Variants in FAM98B observed in about 807,000 individuals in gnomAD.
The protein encoded by FAM98B is tRNA splicing ligase complex subunit 3B.
FAM98B carries 32 observed loss-of-function variants against 43.9 expected under a neutral mutation model. The observed-to-expected ratio is 0.73, with a 90% CI of 0.55 to 0.98. FAM98B has a LOEUF of 0.98. Among genes scored for constraint, FAM98B ranks in the 50% least tolerant of loss-of-function variants. The pLI is 0.00. For synonymous variants in FAM98B, 190 were observed against 174.0 expected (o/e 1.09, Z -0.72); for missense variants, 514 against 522.9 (o/e 0.98, Z 0.17).
intron 3 of FAM98B, among the ~76,000 whole-genome samples, chr15:38,469,534 T>G (rs1482529095): frequency 1.3e-5 from 2 of 152,190 alleles, no homozygotes; most frequent in Non-Finnish European, 2.9e-5. Flanking sequence ...TTTTATACTC[T>G]TTGAGGGTAG....
At chr15:38,468,513 A>G (rs922897585) in intron 3 of FAM98B, among the ~76,000 whole-genome samples, 3 of 152,228 alleles carry the variant, frequency 2.0e-5, no homozygotes, top group Non-Finnish European at 2.9e-5. Context: ...CTGAGCCACC[A>G]TAGCTGGTCT....
chr15:38,454,348 C>T, intron 1 of FAM98B, 116 bp downstream of exon 1: 2 of 1,043,386 alleles, frequency 1.9e-6, no homozygotes, highest in Non-Finnish European at 2.9e-6. Context: ...AGGCCTCCTT[C>T]CCTGCCTCGA....
intron 1 of FAM98B, chr15:38,458,856 A>G: frequency 2.1e-6 from 1 of 472,076 alleles, no homozygotes; most frequent in Non-Finnish European, 4.2e-6. Flanking sequence ...TCATCAAACC[A>G]GGACTGCACA....
intron 1 of FAM98B, among the ~76,000 whole-genome samples, chr15:38,458,460 C>G (rs1384756126): frequency 6.6e-6 from 1 of 152,182 alleles, no homozygotes; most frequent in Non-Finnish European, 1.5e-5. Context: ...CTTTCAGCTT[C>G]TCCCCCACTG....
At chr15:38,458,861 T>C in intron 1 of FAM98B, 1 of 470,976 alleles carries the variant, frequency 2.1e-6, no homozygotes. Flanking sequence ...AAACCAGGAC[T>C]GCACAGGCAC....
At chr15:38,477,138 CAAAAA>C (rs1890213070) in intron 6 of FAM98B, among the ~76,000 whole-genome samples, 1 of 149,920 alleles carries the variant, frequency 6.7e-6, no homozygotes, top group African/African-American at 2.4e-5. Context: ...TCTCTTAAAA[CAAAAA>C]GAAAAGAGTA....
Position 38,474,208 on chromosome 15 carries a change from T to A in FAM98B, c.639T>A (p.Ala213=). Residue 213 remains alanine (A), a synonymous_variant, in exon 6 of 8, where the codon GCT becomes GCA. Coordinates refer to ENST00000397609, the MANE Select transcript of FAM98B (RefSeq NM_173611.4). The part of the protein sequence containing the change: ...QAEQLERIND[A]LSCEYECRRR... ...AACAACTGGAAAGAATCAATGATGC[T>A]CTTTCCTGTGAATATGAGTGCCGCC... 1 of 1,613,738 alleles carries A rather than the reference T, an allele frequency of 6.2e-7. No individual in the cohort carries two copies. Among genetic ancestry groups the A allele is most frequent in the Non-Finnish European group, 8.5e-7 (1 of 1,179,742 alleles).
At chr15:38,463,522 A>AG (rs1889981122) in intron 1 of FAM98B, among the ~76,000 whole-genome samples, 3 of 151,658 alleles carry the variant, frequency 2.0e-5, no homozygotes, top group Admixed American at 6.6e-5. Flanking sequence ...AAAATAAAAT[A>AG]AAATAAAATA....
At chr15:38,476,026 C>G (rs1024377890) in intron 6 of FAM98B, among the ~76,000 whole-genome samples, 2 of 152,192 alleles carry the variant, frequency 1.3e-5, no homozygotes, top group Non-Finnish European at 2.9e-5. Context: ...CCATGGCTCA[C>G]TCTTTATTTA....
chr15:38,469,211 C>CTT (rs368808636), intron 3 of FAM98B, among the ~76,000 whole-genome samples: 1 of 152,008 alleles, frequency 6.6e-6, no homozygotes, highest in Non-Finnish European at 1.5e-5. Context: ...CAGCCAAAAA[C>CTT]AAAGTCTTAC....
In FAM98B at chr15:38,470,296, A is replaced by G; in HGVS notation, c.422A>G (p.Asp141Gly). 6.3e-7 allele frequency: 1 copy of G among 1,598,328 alleles called. No homozygotes were observed. The highest frequency in any genetic ancestry group is 1.1e-5 in the South Asian group (1 of 88,160). The change falls in exon 4 of 8, where the codon GAT (aspartate) becomes GGT (glycine). Residue 141 changes from aspartate (D) to glycine (G), a missense_variant. Coordinates refer to ENST00000397609, the MANE Select transcript of FAM98B (RefSeq NM_173611.4). ...QNKKHKNSQL[D>G]KNSEVYQEVQ... ...AAGAAACATAAAAATTCTCAATTAGATAAAAATAGTGAAGTTTATCAGGAA... is the reference window on the plus strand; with the variant it reads ...AAGAAACATAAAAATTCTCAATTAGGTAAAAATAGTGAAGTTTATCAGGAA...
chr15:38,455,467 T>A (rs1889833895), intron 1 of FAM98B, among the ~76,000 whole-genome samples: 1 of 152,238 alleles, frequency 6.6e-6, no homozygotes, highest in Non-Finnish European at 1.5e-5. Context: ...TGAACCCTGA[T>A]AATACCTACT....
At chr15:38,467,540 A>G (rs1429254846) in intron 3 of FAM98B, among the ~76,000 whole-genome samples, 1 of 152,226 alleles carries the variant, frequency 6.6e-6, no homozygotes, top group Non-Finnish European at 1.5e-5. Flanking sequence ...TACTACAGAC[A>G]TTAGACTGTG....
intron 1 of FAM98B, chr15:38,459,310 C>A: frequency 2.0e-6 from 1 of 495,470 alleles, no homozygotes. Context: ...AAAACTGGTA[C>A]TGGAGACACT....
Position 38,484,524 on chromosome 15 carries a change from C to A in FAM98B, c.1167C>A (p.Gly389=). Residue 389 remains glycine, a synonymous_variant, in exon 8 of 8, where the codon GGC becomes GGA. Coordinates refer to ENST00000397609, the MANE Select transcript of FAM98B (RefSeq NM_173611.4). ...GAGGTGGTAGAGGAGGTTTCCAAGG[C>A]AGGGGAGATTATGGTGGAAGAGGGG... is the stretch of plus-strand genomic sequence containing the variant. ...GGGGGRGGFQ[G]RGDYGGRGGY... is the part of the protein sequence containing the mutation. The A allele has an allele frequency of 6.8e-6, 9 of 1,324,282 alleles. No homozygotes were observed. The South Asian group carries it at 7.6e-5, about 11-fold the overall frequency. The allele number at this position is 1,324,282 out of a possible 1,614,324, so 82.0% of individuals were successfully genotyped here. A position where few individuals can be genotyped will look rare whatever the true frequency, so the allele number is the denominator to read the frequency against.
At chr15:38,466,625 G>T (rs896941672) in intron 3 of FAM98B, among the ~76,000 whole-genome samples, 6 of 152,136 alleles carry the variant, frequency 3.9e-5, no homozygotes, top group Non-Finnish European at 8.8e-5. Flanking sequence ...GGAGGGCGGT[G>T]ATGAGGAGTT....
chr15:38,462,392 C>T (rs899925667), intron 1 of FAM98B, among the ~76,000 whole-genome samples: 6 of 151,916 alleles, frequency 3.9e-5, no homozygotes, highest in Non-Finnish European at 8.8e-5. Context: ...TAATGTTTTA[C>T]ATAATTATAA....
chr15:38,465,481 C>A, intron 3 of FAM98B, 78 bp downstream of exon 3: 1 of 1,315,124 alleles, frequency 7.6e-7, no homozygotes, highest in South Asian at 1.7e-5. Flanking sequence ...ATTAATGAAG[C>A]ATTAGACATT....
intron 1 of FAM98B, among the ~76,000 whole-genome samples, chr15:38,461,426 A>G (rs958963317): frequency 6.6e-6 from 1 of 152,172 alleles, no homozygotes; most frequent in African/African-American, 2.4e-5. Context: ...AACAAGACCT[A>G]TGTTAATGAT....
Sources: gnomAD v4.1 joint callset for allele counts (sites outside exome capture counted in the v4.1 genomes callset) on GRCh38, gnomAD v4.1.1 for gene constraint, MANE v1.5 for transcripts, NCBI Gene and HGNC (gene_info 2026-07-23, HGNC 2026-07-21) for gene names.